INPP4B: variants seen among roughly 807,000 people sequenced by gnomAD.
INPP4B encodes the protein inositol polyphosphate 4-phosphatase type II.
INPP4B carries 55 observed loss-of-function variants against 122.5 expected under a neutral mutation model. That is an observed-to-expected ratio of 0.45 (90% CI 0.36 to 0.56). The LOEUF (loss-of-function observed/expected upper bound fraction) is 0.56, where lower values mean the gene tolerates loss of function less well. Among genes scored for constraint, INPP4B ranks in the 20% least tolerant of loss-of-function variants. The pLI is 0.00. For missense variants in INPP4B, 1,000 were observed against 1,097.7 expected, an observed-to-expected ratio of 0.91 and a Z score of 1.26; for synonymous variants, 403 against 388.7, an observed-to-expected ratio of 1.04 and a Z score of -0.43.
chr4:142,403,961 T>C (rs2149172930), intron 6 of INPP4B, among the ~76,000 whole-genome samples: 1 of 152,320 alleles, frequency 6.6e-6, no homozygotes, highest in African/African-American at 2.4e-5. Flanking sequence ...ATAATATGTG[T>C]ATTTTATCAC....
chr4:142,288,608 A>AT (rs1398199051), intron 9 of INPP4B, among the ~76,000 whole-genome samples: 2 of 152,114 alleles, frequency 1.3e-5, no homozygotes, highest in Non-Finnish European at 1.5e-5. Context: ...GAAAAGGCTG[A>AT]TTACTGAATC....
chr4:142,588,009 T>A (rs1233589836), intron 2 of INPP4B, among the ~76,000 whole-genome samples: 1 of 151,858 alleles, frequency 6.6e-6, no homozygotes. Flanking sequence ...CAAGTCTGGG[T>A]CAACATATGA....
chr4:142,069,120 A>G (rs1249283777), intron 25 of INPP4B, among the ~76,000 whole-genome samples: 3 of 152,238 alleles, frequency 2.0e-5, no homozygotes, highest in Non-Finnish European at 4.4e-5. Flanking sequence ...AACAGAAATT[A>G]TAACAAACTG....
In INPP4B at chr4:142,405,121, G is replaced by GGGGC. The variant is rs377697431; in HGVS notation, c.255+84_255+85insGCCC. On this transcript the variant is annotated intron_variant, in intron 6 of 25. Transcript: ENST00000262992. ...AAATCCAGAGATGGGGCGGGGGTGG[G>GGGGC]GGGGAGGGAGAGAGAGAGCAAGAGC... The GGGGC allele has an allele frequency of 7.5e-4, 525 of 704,126 alleles. 3 individuals carry two copies. Among genetic ancestry groups the GGGGC allele is most frequent in the African/African-American group, 7.0e-3 (373 of 53,062 alleles). 43.6% of individuals were successfully genotyped at this position (704,126 alleles called of 1,614,324 possible).
At chr4:142,676,872 T>G (rs891677444) in intron 2 of INPP4B, among the ~76,000 whole-genome samples, 1 of 150,832 alleles carries the variant, frequency 6.6e-6, no homozygotes, top group African/African-American at 2.4e-5. Context: ...ACGTAAGACC[T>G]AAAACCATAA....
At chr4:142,075,442 C>T (rs1389533117) in intron 25 of INPP4B, among the ~76,000 whole-genome samples, 4 of 151,904 alleles carry the variant, frequency 2.6e-5, no homozygotes, top group Admixed American at 6.6e-5. Flanking sequence ...CTAGATTCCC[C>T]GATGCTATAG....
intron 1 of INPP4B, among the ~76,000 whole-genome samples, chr4:142,781,505 T>C (rs1774813880): frequency 6.6e-6 from 1 of 152,202 alleles, no homozygotes; most frequent in South Asian, 2.1e-4. Flanking sequence ...AAGTGATTAG[T>C]TTCCTGCCAC....
At chr4:142,631,367 T>C (rs376703860) in intron 2 of INPP4B, among the ~76,000 whole-genome samples, 1 of 151,888 alleles carries the variant, frequency 6.6e-6, no homozygotes, top group South Asian at 2.1e-4. Context: ...ACCCTGAAAA[T>C]GATTTGCAAG....
chr4:142,293,606 T>C (rs779153357), intron 9 of INPP4B, among the ~76,000 whole-genome samples: 4 of 152,248 alleles, frequency 2.6e-5, no homozygotes, highest in Non-Finnish European at 5.9e-5. Context: ...CTATCTTCCA[T>C]GAATTAAACA....
chr4:142,314,915 G>A (rs1223815287), intron 7 of INPP4B, among the ~76,000 whole-genome samples, 153 bp from the exon 8 acceptor site: 7 of 152,182 alleles, frequency 4.6e-5, no homozygotes, highest in African/African-American at 1.7e-4. Context: ...ACCTGCGGCA[G>A]TGCAATGAAG....
intron 2 of INPP4B, among the ~76,000 whole-genome samples, chr4:142,593,029 G>A (rs1035521431): frequency 6.6e-6 from 1 of 151,750 alleles, no homozygotes; most frequent in Non-Finnish European, 1.5e-5. Flanking sequence ...ACTTGAGCTA[G>A]GGAGTTCAAG....
chr4:142,284,413 A>C (rs1752587128), intron 9 of INPP4B, among the ~76,000 whole-genome samples: 1 of 152,180 alleles, frequency 6.6e-6, no homozygotes, highest in African/African-American at 2.4e-5. Context: ...AGAAACGAAA[A>C]GGGAGTTTTT....
chr4:142,108,282 T>G, intron 22 of INPP4B, 92 bp from the exon 23 acceptor site: 3 of 697,786 alleles, frequency 4.3e-6, no homozygotes, highest in South Asian at 3.3e-5. Context: ...GATTAGAAAA[T>G]AATTTCCTAA....
intron 9 of INPP4B, among the ~76,000 whole-genome samples, chr4:142,285,430 G>GAT (rs1753106232): frequency 2.0e-5 from 3 of 151,876 alleles, no homozygotes; most frequent in Admixed American, 6.6e-5. Flanking sequence ...ATGGATTGAG[G>GAT]CTCATGACCT....
chr4:142,172,642 CAT>C (rs1454016535), intron 16 of INPP4B, among the ~76,000 whole-genome samples: 1 of 148,926 alleles, frequency 6.7e-6, no homozygotes, highest in African/African-American at 2.5e-5. Flanking sequence ...ATGAGAATAA[CAT>C]ATAAAAATGT....
chr4:142,047,546 G>A lies in INPP4B; in HGVS notation c.2643-18632C>T, dbSNP rs192127813. ...GAGAAAGCAGAGGCCTCCAGAGAAG[G>A]ACCGAGATCTCATTAGTACTCCATG... On this transcript the variant is annotated intron_variant, in intron 25 of 25. Coordinates refer to ENST00000262992, the MANE Select transcript of INPP4B (RefSeq NM_001101669.3). 2.1e-4 allele frequency among the ~76,000 whole-genome samples: 32 copies of A among 152,012 alleles called. No individual in the cohort carries two copies. In the East Asian group the frequency reaches 6.2e-3, roughly 29 times the overall value.
intron 2 of INPP4B, among the ~76,000 whole-genome samples, chr4:142,664,058 G>A (rs1001072141): frequency 1.3e-5 from 2 of 152,170 alleles, no homozygotes; most frequent in African/African-American, 4.8e-5. Flanking sequence ...GGAATGCCAT[G>A]CACTTAACTC....
intron 2 of INPP4B, among the ~76,000 whole-genome samples, chr4:142,466,256 T>C (rs866860142): frequency 1.3e-5 from 2 of 152,118 alleles, no homozygotes; most frequent in South Asian, 2.1e-4. Context: ...GACAGTGATG[T>C]CCAGGCTGAA....
chr4:142,256,262 A>C (rs1243907076), intron 11 of INPP4B, among the ~76,000 whole-genome samples: 7 of 152,040 alleles, frequency 4.6e-5, no homozygotes, highest in African/African-American at 1.4e-4. Flanking sequence ...GGAAAGATCT[A>C]AAATCGACAC....
Sources: allele counts gnomAD v4.1 joint callset (sites outside exome capture counted in the v4.1 genomes callset), GRCh38; gene constraint gnomAD v4.1.1; transcripts MANE v1.5; gene names NCBI Gene and HGNC (gene_info 2026-07-23, HGNC 2026-07-21).